The following STK32B variants were observed in gnomAD, a reference collection of about 807,000 sequenced individuals.
The protein encoded by STK32B is serine/threonine-protein kinase 32B.
STK32B carries 43 observed loss-of-function variants against 52.6 expected under a neutral mutation model. The ratio of observed to expected loss-of-function variants is 0.82; its 90% CI spans 0.64 to 1.05. The LOEUF is 1.05. Ranked by LOEUF, STK32B falls within the 50% of genes least tolerant of loss-of-function variation. The probability of loss-of-function intolerance (pLI) is 0.00; values close to 1 mark genes in which losing one functional copy is unlikely to be tolerated. For synonymous variants in STK32B, 238 were observed against 204.3 expected (o/e 1.17, Z -1.41); for missense variants, 621 against 534.6 (o/e 1.16, Z -1.59).
chr4:5,176,040 A>T (rs1483998536), intron 3 of STK32B, among the ~76,000 whole-genome samples: 3 of 152,234 alleles, frequency 2.0e-5, no homozygotes. Flanking sequence ...CCTTGCAGTT[A>T]GATCTCAGAC....
Position 5,491,376 on chromosome 4 carries a change from C to T in STK32B, c.1107-7569C>T, listed in dbSNP as rs534624139. Among the ~76,000 whole-genome samples, 523 of 152,302 alleles carry T rather than the reference C, an allele frequency of 3.4e-3. 2 individuals are homozygous for T. Among genetic ancestry groups the T allele is most frequent in the Non-Finnish European group, 6.1e-3 (416 of 68,030 alleles). On this transcript the variant is annotated intron_variant, in intron 11 of 11. Transcript: ENST00000282908. ...TGTTTTTTGGCTGCATAAATGTCTT[C>T]TTTTGAGAAGTGTCTGTTCATGTCC...
At chr4:5,249,543 T>C (rs1725766073) in intron 3 of STK32B, among the ~76,000 whole-genome samples, 2 of 151,146 alleles carry the variant, frequency 1.3e-5, no homozygotes, top group African/African-American at 4.9e-5. Context: ...TCCTTCCTTC[T>C]TTTCTTTCTT....
At chr4:5,494,885 A>G (rs528747961) in intron 11 of STK32B, among the ~76,000 whole-genome samples, 117 of 152,222 alleles carry the variant, frequency 7.7e-4, no homozygotes, top group Non-Finnish European at 1.4e-3. Flanking sequence ...CTTTTCTTTA[A>G]GAATGTTGGA....
At chr4:5,354,930 A>G (rs912339375) in intron 4 of STK32B, among the ~76,000 whole-genome samples, 20 of 152,172 alleles carry the variant, frequency 1.3e-4, no homozygotes, top group African/African-American at 4.3e-4. Flanking sequence ...TCAAACCTTA[A>G]TCCGCTGTAG....
At chr4:5,121,629 C>T (rs1174500917) in intron 1 of STK32B, among the ~76,000 whole-genome samples, 1 of 152,160 alleles carries the variant, frequency 6.6e-6, no homozygotes, top group East Asian at 1.9e-4. Context: ...AGGTTTGATC[C>T]ACCAGGTAGT....
rs1208620128 is a variant in STK32B at position 5,469,142 on chromosome 4, T to G, written c.1106+1072T>G. 6.6e-6 allele frequency among the ~76,000 whole-genome samples: 1 copy of G among 152,118 alleles called. No homozygotes were observed. Among genetic ancestry groups the G allele is most frequent in the Non-Finnish European group, 1.5e-5 (1 of 68,034 alleles). ...AGCAGGGGCAGCCGATGAGCCCCAT[T>G]GGACCCACACTAAGCCAAGCTTTGG... is the stretch of plus-strand genomic sequence containing the variant. On this transcript the variant is annotated intron_variant, in intron 11 of 11. Transcript: ENST00000282908. The surrounding 1 kb of genome is among the most constrained non-coding windows in gnomAD (Gnocchi z 4.7).
Position 5,052,390 on chromosome 4 carries a change from C to G in STK32B, c.52+475C>G, listed in dbSNP as rs191775505. On this transcript the variant is annotated intron_variant, in intron 1 of 11. Coordinates refer to ENST00000282908, the MANE Select transcript of STK32B (RefSeq NM_018401.3). ...GTGCAAGGGCCTGTTGGATGCAGCTCTCCTCAATCACCCAGGACAGAGGGA... is the reference window on the plus strand; with the variant it reads ...GTGCAAGGGCCTGTTGGATGCAGCTGTCCTCAATCACCCAGGACAGAGGGA... Among the ~76,000 whole-genome samples the G allele has an allele frequency of 3.4e-4, 52 of 152,266 alleles. 1 individual carries two copies. The highest frequency in any genetic ancestry group is 2.0e-3 in the Admixed American group (30 of 15,306).
intron 1 of STK32B, among the ~76,000 whole-genome samples, chr4:5,131,596 C>T (rs1715780751): frequency 6.6e-6 from 1 of 152,198 alleles, no homozygotes; most frequent in Non-Finnish European, 1.5e-5. Flanking sequence ...CTCCTTCCTA[C>T]ACAGCAGTCC....
chr4:5,352,193 C>T (rs1465127031), intron 4 of STK32B, among the ~76,000 whole-genome samples: 1 of 152,008 alleles, frequency 6.6e-6, no homozygotes, highest in Non-Finnish European at 1.5e-5. Context: ...CGTAAAAATT[C>T]TCAAGAAAAT....
intron 2 of STK32B, among the ~76,000 whole-genome samples, chr4:5,166,234 C>T (rs1410471880): frequency 3.9e-5 from 6 of 151,956 alleles, no homozygotes; most frequent in Non-Finnish European, 8.8e-5. Flanking sequence ...TCAGGAAGGC[C>T]ACACTGTGGG....
chr4:5,212,270 G>A (rs867692819), intron 3 of STK32B, among the ~76,000 whole-genome samples: 1 of 152,138 alleles, frequency 6.6e-6, no homozygotes, highest in African/African-American at 2.4e-5. Flanking sequence ...AGAAAAACAT[G>A]TCTAACATGA....
At chr4:5,344,280 A>T (rs570016975) in intron 4 of STK32B, among the ~76,000 whole-genome samples, 3 of 152,204 alleles carry the variant, frequency 2.0e-5, no homozygotes, top group Non-Finnish European at 4.4e-5. Flanking sequence ...GGCTTTTTTG[A>T]TTAAAATTTT....
At chr4:5,305,598 T>C (rs1729874367) in intron 3 of STK32B, among the ~76,000 whole-genome samples, 1 of 152,142 alleles carries the variant, frequency 6.6e-6, no homozygotes. Context: ...TTTCTTTTCG[T>C]GGTTAACCAT....
At chr4:5,443,428 T>G (rs1714995223) in intron 6 of STK32B, among the ~76,000 whole-genome samples, 1 of 152,020 alleles carries the variant, frequency 6.6e-6, no homozygotes, top group African/African-American at 2.4e-5. Context: ...CTTCACGTAG[T>G]TCTCGAGCCT....
At chr4:5,488,877 CA>C (rs146279381) in intron 11 of STK32B, among the ~76,000 whole-genome samples, 4,970 of 152,082 alleles carry the variant, frequency 0.033, 118 homozygotes, top group Non-Finnish European at 0.044. Flanking sequence ...CTGAATTAGA[CA>C]AAACATTTTT....
chr4:5,202,131 T>C (rs1483699601), intron 3 of STK32B, among the ~76,000 whole-genome samples: 2 of 152,216 alleles, frequency 1.3e-5, no homozygotes, highest in African/African-American at 4.8e-5. Context: ...ACAATGAGGG[T>C]ACAGGCATTA....
chr4:5,154,772 C>T (rs1289930484), intron 2 of STK32B, among the ~76,000 whole-genome samples: 12 of 152,168 alleles, frequency 7.9e-5, no homozygotes, highest in Admixed American at 5.2e-4. Context: ...CATGCCCATC[C>T]GCACTTAGCT....
At chr4:5,185,757 G>A (rs1223009081) in intron 3 of STK32B, among the ~76,000 whole-genome samples, 1 of 152,182 alleles carries the variant, frequency 6.6e-6, no homozygotes, top group African/African-American at 2.4e-5. Flanking sequence ...TTATCAAAGC[G>A]TAAGTCTGTG....
intron 4 of STK32B, among the ~76,000 whole-genome samples, chr4:5,370,572 A>C (rs1415236370): frequency 6.6e-6 from 1 of 152,204 alleles, no homozygotes; most frequent in African/African-American, 2.4e-5. Context: ...GAAGCAGGTG[A>C]CACAGAGCAA....
Sources: allele counts gnomAD v4.1 joint callset (sites outside exome capture counted in the v4.1 genomes callset), GRCh38; gene constraint gnomAD v4.1.1; non-coding constraint Gnocchi (gnomAD v3.1); transcripts MANE v1.5; gene names NCBI Gene and HGNC (gene_info 2026-07-23, HGNC 2026-07-21).